Variants in PUM3 observed in about 807,000 individuals in gnomAD.
PUM3 encodes the protein pumilio homolog 3.
In PUM3, 91 loss-of-function variants were observed where a neutral mutation model predicts 84.0. That is an observed-to-expected ratio of 1.08 (90% CI 0.91 to 1.29). The LOEUF is 1.29. PUM3 is among the 50% of genes most tolerant of loss of function. PUM3 has a pLI of 0.00. For missense variants in PUM3, 1,067 were observed against 767.5 expected (o/e 1.39, Z -4.61); for synonymous variants, 321 against 266.7 (o/e 1.20, Z -1.98).
At chr9:2,839,583 T>G (rs915520692) in intron 1 of PUM3, among the ~76,000 whole-genome samples, 20 of 152,354 alleles carry the variant, frequency 1.3e-4, no homozygotes, top group African/African-American at 4.8e-4. Context: ...CACTTTTTCC[T>G]GGAACATCAT....
At chr9:2,815,031 A>G (rs1821444121) in intron 13 of PUM3, among the ~76,000 whole-genome samples, 1 of 152,228 alleles carries the variant, frequency 6.6e-6, no homozygotes. Flanking sequence ...CTGGGACTTC[A>G]TGATATGCAT....
chr9:2,804,234 A>G lies in PUM3; in HGVS notation c.*97T>C, dbSNP rs1278691037. On this transcript the variant is annotated 3_prime_UTR_variant, in exon 18 of 18. Coordinates refer to ENST00000397885, the MANE Select transcript of PUM3 (RefSeq NM_014878.5). ...AGAAACACATATACAGAGTACCCCA[A>G]TTACCAGTATGGTGGACCCTACCCC... 1.3e-5 allele frequency: 16 copies of G among 1,209,808 alleles called. No homozygotes were observed. Among genetic ancestry groups the G allele is most frequent in the Admixed American group, 2.3e-5 (1 of 44,382 alleles). The allele number at this position is 1,209,808 out of a possible 1,614,324, so 74.9% of individuals were successfully genotyped here.
At chr9:2,811,250 A>G (rs1821362622) in intron 15 of PUM3, 111 bp downstream of exon 15, 3 of 798,722 alleles carry the variant, frequency 3.8e-6, no homozygotes, top group Non-Finnish European at 4.2e-6. Context: ...TTGGTTGTTT[A>G]TTCAACAGGT....
intron 9 of PUM3, 167 bp downstream of exon 9, chr9:2,828,508 C>A: frequency 1.8e-6 from 1 of 557,518 alleles, no homozygotes; most frequent in South Asian, 2.4e-5. Context: ...AAAAAGAAAT[C>A]TCCTTTTGCA....
intron 16 of PUM3, 140 bp downstream of exon 16, chr9:2,810,204 C>A (rs1465277570): frequency 1.6e-5 from 10 of 629,530 alleles, no homozygotes; most frequent in Admixed American, 3.2e-5. Context: ...ACCACTGAAT[C>A]ATTTCTTATT....
intron 13 of PUM3, among the ~76,000 whole-genome samples, chr9:2,813,839 T>C (rs998163955): frequency 6.6e-6 from 1 of 152,204 alleles, no homozygotes; most frequent in African/African-American, 2.4e-5. Flanking sequence ...AGCATGCTTC[T>C]GATAACAGTA....
At chr9:2,841,213 C>G (rs563217709) in intron 1 of PUM3, among the ~76,000 whole-genome samples, 1 of 152,172 alleles carries the variant, frequency 6.6e-6, no homozygotes, top group Non-Finnish European at 1.5e-5. Context: ...ACCTGTACCC[C>G]GTGAGAAATA....
At chr9:2,807,302 T>G (rs1315850614) in intron 17 of PUM3, among the ~76,000 whole-genome samples, 2 of 150,610 alleles carry the variant, frequency 1.3e-5, no homozygotes, top group African/African-American at 4.9e-5. Flanking sequence ...GATGGTAGTT[T>G]AAAAATCCTA....
intron 7 of PUM3, among the ~76,000 whole-genome samples, chr9:2,830,580 A>G (rs998554914): frequency 2.6e-5 from 4 of 152,202 alleles, no homozygotes; most frequent in African/African-American, 9.7e-5. Context: ...CAAATCATCC[A>G]TCATGTAAAA....
intron 13 of PUM3, among the ~76,000 whole-genome samples, chr9:2,815,166 A>C (rs964891094): frequency 6.6e-6 from 1 of 152,232 alleles, no homozygotes; most frequent in African/African-American, 2.4e-5. Context: ...AAAAGAATGC[A>C]TGTTTATAAA....
intron 9 of PUM3, among the ~76,000 whole-genome samples, chr9:2,827,715 T>C (rs577339392): frequency 1.2e-4 from 18 of 152,290 alleles, no homozygotes; most frequent in African/African-American, 3.4e-4. Flanking sequence ...AGTTCACAGG[T>C]GATACCCAAG....
intron 13 of PUM3, among the ~76,000 whole-genome samples, chr9:2,819,645 G>C (rs959326536): frequency 6.6e-6 from 1 of 152,086 alleles, no homozygotes. Flanking sequence ...GCTTGTATTT[G>C]AGTTCTGGAA....
chr9:2,811,225 T>C, intron 15 of PUM3, 136 bp downstream of exon 15: 1 of 680,858 alleles, frequency 1.5e-6, no homozygotes, highest in Non-Finnish European at 2.6e-6. Context: ...ATGTAATTGC[T>C]GCTGTGAGAG....
At chr9:2,835,787 G>C (rs1039824412) in intron 3 of PUM3, among the ~76,000 whole-genome samples, 1 of 152,100 alleles carries the variant, frequency 6.6e-6, no homozygotes, top group African/African-American at 2.4e-5. Context: ...TATTTTATCA[G>C]TCTAGTTACT....
chr9:2,824,279 C>A (rs1815747144), intron 11 of PUM3, among the ~76,000 whole-genome samples: 1 of 152,158 alleles, frequency 6.6e-6, no homozygotes, highest in Admixed American at 6.5e-5. Context: ...ATGATAATTT[C>A]TGTTAAACTT....
At chr9:2,813,692 TCAAGTCAGCCATCAACG>T (rs1182381349) in intron 13 of PUM3, among the ~76,000 whole-genome samples, 1 of 152,176 alleles carries the variant, frequency 6.6e-6, no homozygotes, top group African/African-American at 2.4e-5. Flanking sequence ...AAGCTCAAAA[TCAAGTCAGCCATCAACG>T]ATGGGACCGT....
Position 2,810,032 on chromosome 9 carries a change from T to G in PUM3, c.1723+312A>C, listed in dbSNP as rs111429815. Among the ~76,000 whole-genome samples, 387 of 139,272 alleles carry G rather than the reference T, an allele frequency of 2.8e-3. 1 individual carries two copies. The highest frequency in any genetic ancestry group is 4.6e-3 in the Non-Finnish European group (307 of 66,726). 91.4% of individuals were successfully genotyped at this position (139,272 alleles called of 152,430 possible). A position where few individuals can be genotyped will look rare whatever the true frequency, so the allele number is the denominator to read the frequency against. On this transcript the variant is annotated intron_variant, in intron 16 of 17. Transcript: ENST00000397885. ...CACCATCCTCATTAGAATGGCATTT[T>G]AAGGCATTGACCAAGCCAGGTTAGA... is the stretch of plus-strand genomic sequence containing the variant.
At chr9:2,826,318 T>A (rs565419550) in intron 10 of PUM3, among the ~76,000 whole-genome samples, 56 of 152,280 alleles carry the variant, frequency 3.7e-4, no homozygotes, top group African/African-American at 1.3e-3. Context: ...ACTGTATTTT[T>A]CAGGAAGTAA....
chr9:2,838,929 G>A (rs1263748632), intron 1 of PUM3, among the ~76,000 whole-genome samples: 1 of 152,064 alleles, frequency 6.6e-6, no homozygotes, highest in Non-Finnish European at 1.5e-5. Flanking sequence ...TAAAAAGCCA[G>A]GAACAAACAA....
Sources: gnomAD v4.1 joint callset for allele counts (sites outside exome capture counted in the v4.1 genomes callset) on GRCh38, gnomAD v4.1.1 for gene constraint, MANE v1.5 for transcripts, NCBI Gene and HGNC (gene_info 2026-07-23, HGNC 2026-07-21) for gene names.